Variants in LY75 observed in about 807,000 individuals in gnomAD.
LY75 encodes lymphocyte antigen 75.
In LY75, 185 loss-of-function variants were observed where a neutral mutation model predicts 231.7. The observed-to-expected ratio is 0.80, with a 90% CI of 0.71 to 0.90. The LOEUF is 0.90. Ranked by LOEUF, LY75 falls within the 40% of genes least tolerant of loss-of-function variation. The pLI, the probability that LY75 is intolerant of heterozygous loss-of-function variation, is 0.00. For missense variants in LY75, 1,947 were observed against 2,050.2 expected (o/e 0.95, Z 0.97); for synonymous variants, 668 against 689.0 (o/e 0.97, Z 0.48).
At chr2:159,868,268 G>T (rs974159436) in intron 13 of LY75, among the ~76,000 whole-genome samples, 13 of 152,038 alleles carry the variant, frequency 8.6e-5, no homozygotes, top group Non-Finnish European at 1.6e-4. Flanking sequence ...ATAAGTGAAG[G>T]GATTAAGGAG....
chr2:159,818,548 A>G (rs1683191290), intron 29 of LY75, among the ~76,000 whole-genome samples: 1 of 152,234 alleles, frequency 6.6e-6, no homozygotes, highest in South Asian at 2.1e-4. Flanking sequence ...AGGAGAACTA[A>G]AGGTTAGGTG....
chr2:159,886,848 A>G (rs1685601529), intron 4 of LY75, among the ~76,000 whole-genome samples: 1 of 152,168 alleles, frequency 6.6e-6, no homozygotes, highest in Admixed American at 6.6e-5. Context: ...TTTTATTAAT[A>G]TAGAAGACTT....
chr2:159,853,151 AAATCAG>A, intron 20 of LY75, 116 bp downstream of exon 20: 1 of 1,018,612 alleles, frequency 9.8e-7, no homozygotes, highest in East Asian at 2.5e-5. Context: ...TGCTAATAAT[AAATCAG>A]AATAAGATGA....
chr2:159,895,682 C>T (rs903209278), intron 2 of LY75, among the ~76,000 whole-genome samples: 2 of 152,212 alleles, frequency 1.3e-5, no homozygotes, highest in African/African-American at 4.8e-5. Context: ...TCTGATTAGA[C>T]TCTTGACCTA....
At chr2:159,860,996 GA>G in intron 14 of LY75, 107 bp from the exon 15 acceptor site, 1 of 1,164,196 alleles carries the variant, frequency 8.6e-7, no homozygotes, top group Non-Finnish European at 1.2e-6. Context: ...ATATGCCACA[GA>G]AAGAAAACTT....
chr2:159,893,906 A>G lies in LY75; in HGVS notation c.637+8T>C. 2 of 1,604,366 alleles carry G rather than the reference A, an allele frequency of 1.2e-6. No homozygotes were observed. Among genetic ancestry groups the G allele is most frequent in the Non-Finnish European group, 1.7e-6 (2 of 1,175,334 alleles). Reference sequence around the variant, plus strand: ...CTTTCCACATAAAATTTACCAGCCCATACATACCAGGCTTTAAGCAGATGC... The same window carrying G: ...CTTTCCACATAAAATTTACCAGCCCGTACATACCAGGCTTTAAGCAGATGC... On this transcript the variant is annotated splice_region_variant and intron_variant, in intron 3 of 34. Coordinates refer to ENST00000263636, the MANE Select transcript of LY75 (RefSeq NM_002349.4).
chr2:159,866,191 C>T (rs1332340259), intron 13 of LY75, among the ~76,000 whole-genome samples: 1 of 152,038 alleles, frequency 6.6e-6, no homozygotes, highest in Non-Finnish European at 1.5e-5. Context: ...ATATATGGAA[C>T]ATATAGCTAC....
At chr2:159,817,089 T>C (rs528253684) in intron 29 of LY75, 57 bp from the exon 30 acceptor site, 2 of 1,465,518 alleles carry the variant, frequency 1.4e-6, no homozygotes, top group Non-Finnish European at 1.8e-6. Context: ...ATACATCTTT[T>C]GGATGAGACA....
At position 159,854,726 on chromosome 2, in the gene LY75, G is replaced by A. The variant is rs554331088; in HGVS notation, c.2419+178C>T. ...TCTGCCACTCCCCTACACTCACAGG[G>A]AAGGAAAAAGTCACCCTCATCACCT... On this transcript the variant is annotated intron_variant, in intron 17 of 34. Transcript: ENST00000263636. 2.6e-5 allele frequency among the ~76,000 whole-genome samples: 4 copies of A among 152,254 alleles called. No homozygotes were observed. In the East Asian group the frequency reaches 7.7e-4, roughly 29 times the overall value.
At chr2:159,894,528 T>C (rs1028960649) in intron 2 of LY75, among the ~76,000 whole-genome samples, 2 of 152,250 alleles carry the variant, frequency 1.3e-5, no homozygotes, top group Non-Finnish European at 2.9e-5. Flanking sequence ...GAAAAATTCC[T>C]TGGAACCACT....
Position 159,850,442 on chromosome 2 carries a change from G to C in LY75, c.2909C>G (p.Ser970Cys), listed in dbSNP as rs1323886732. The change falls in exon 22 of 35, where the codon TCT becomes TGT. Residue 970 changes from serine to cysteine, a missense_variant. Physicochemically the swap from Ser to Cys is moderately radical, Grantham distance 112 (BLOSUM62 -1). Transcript: ENST00000263636. ...NKCFLKIKPV[S>C]LTFSQASDTC... ...ATCGCTTGCTTGAGAAAATGTGAGA[G>C]ACACGGGTTTGATCTTTAGAAAACA... The C allele has an allele frequency of 6.2e-7, 1 of 1,613,512 alleles. No individual in the cohort carries two copies. Among genetic ancestry groups the C allele is most frequent in the South Asian group, 1.1e-5 (1 of 91,052 alleles).
At chr2:159,895,181 A>C (rs544418223) in intron 2 of LY75, among the ~76,000 whole-genome samples, 1 of 152,350 alleles carries the variant, frequency 6.6e-6, no homozygotes, top group Non-Finnish European at 1.5e-5. Context: ...ACAGCTTAGA[A>C]TGTAATAAGC....
intron 16 of LY75, among the ~76,000 whole-genome samples, chr2:159,855,597 A>G (rs190333554): frequency 6.0e-4 from 91 of 152,272 alleles, no homozygotes; most frequent in African/African-American, 2.1e-3. Flanking sequence ...GCCCTTATGC[A>G]TTTTGCTGCC....
intron 23 of LY75, among the ~76,000 whole-genome samples, chr2:159,843,703 GC>G (rs751598646): frequency 1.3e-5 from 2 of 152,058 alleles, no homozygotes; most frequent in Non-Finnish European, 2.9e-5. Flanking sequence ...CAGAGCTTGG[GC>G]CCTTCACTGC....
At chr2:159,833,405 G>T (rs1344631) in intron 27 of LY75, among the ~76,000 whole-genome samples, 4 of 151,998 alleles carry the variant, frequency 2.6e-5, no homozygotes, top group Admixed American at 6.6e-5. Flanking sequence ...GCATGAGCCA[G>T]TGTGCCTAGC....
chr2:159,904,536 G>T, intron 1 of LY75, 53 bp downstream of exon 1: 1 of 1,486,196 alleles, frequency 6.7e-7, no homozygotes, highest in Non-Finnish European at 8.9e-7. Context: ...AGGCAGCAGA[G>T]CTGTGGCGTC....
chr2:159,850,251 C>T, intron 22 of LY75, 111 bp from the exon 23 acceptor site: 1 of 1,504,342 alleles, frequency 6.6e-7, no homozygotes, highest in Non-Finnish European at 8.9e-7. Flanking sequence ...TTATCTGTTC[C>T]ATAACAAAAG....
chr2:159,845,656 T>G lies in LY75; in HGVS notation c.3151-3282A>C, dbSNP rs537798997. Among the ~76,000 whole-genome samples the G allele has an allele frequency of 2.0e-5, 3 of 152,154 alleles. 1 individual carries two copies. The South Asian group carries it at 6.2e-4, about 31-fold the overall frequency. On this transcript the variant is annotated intron_variant, in intron 23 of 34. Transcript: ENST00000263636. Reference sequence around the variant, plus strand: ...TTTACATTGTATTAGCTATTATAGGTAATCTAGAGATGATTTAAGTATACA... The same window carrying G: ...TTTACATTGTATTAGCTATTATAGGGAATCTAGAGATGATTTAAGTATACA...
chr2:159,850,791 T>TATATATATATATATATAAATATAA (rs1341394980), intron 21 of LY75, among the ~76,000 whole-genome samples: 1 of 94,510 alleles, frequency 1.1e-5, no homozygotes, highest in Non-Finnish European at 2.3e-5. Context: ...TATATATATA[T>TATATATATATATATATAAATATAA]ATATATATTA....
Sources: gnomAD v4.1 joint callset for allele counts (sites outside exome capture counted in the v4.1 genomes callset) on GRCh38, gnomAD v4.1.1 for gene constraint, MANE v1.5 for transcripts, NCBI Gene and HGNC (gene_info 2026-07-23, HGNC 2026-07-21) for gene names.